Variants in MYO5B observed in about 807,000 individuals in gnomAD.
MYO5B encodes the protein unconventional myosin-Vb.
In MYO5B, 143 loss-of-function variants were observed where a neutral mutation model predicts 229.3. That is an observed-to-expected ratio of 0.62 (90% CI 0.54 to 0.72). The LOEUF (loss-of-function observed/expected upper bound fraction) is 0.72. MYO5B is among the 30% of genes least tolerant of loss of function. MYO5B has a pLI of 0.00. For synonymous variants in MYO5B, 918 were observed against 885.2 expected (o/e 1.04, Z -0.66); for missense variants, 2,321 against 2,331.0 (o/e 1.00, Z 0.09).
intron 39 of MYO5B, among the ~76,000 whole-genome samples, chr18:49,832,816 A>G (rs1393635861): frequency 6.6e-6 from 1 of 152,206 alleles, no homozygotes; most frequent in Non-Finnish European, 1.5e-5. Flanking sequence ...AAAGGTATTT[A>G]GGGAGGAATA....
chr18:49,904,779 G>T lies in MYO5B; in HGVS notation c.2464C>A (p.His822Asn). 1 of 1,613,998 alleles carries T rather than the reference G, an allele frequency of 6.2e-7. No individual in the cohort carries two copies. Among genetic ancestry groups the T allele is most frequent in the Non-Finnish European group, 8.5e-7 (1 of 1,180,042 alleles). Residue 822 changes from histidine (H) to asparagine (N), a missense_variant, in exon 20 of 40, where the codon CAT becomes AAT. His to Asn is a moderately conservative substitution (Grantham distance 68). Coordinates refer to ENST00000285039, the MANE Select transcript of MYO5B (RefSeq NM_001080467.3). ...RIRAAVVLQKHYRMQRARQAY... is the reference protein window; with the variant it reads ...RIRAAVVLQKNYRMQRARQAY... ...TGGCGGGCCCTCTGCATGCGGTAAT[G>T]TTTCTGGAGCACCACAGCCGCTCTG... is the stretch of plus-strand genomic sequence containing the variant.
chr18:50,042,116 T>C (rs1316125873), intron 2 of MYO5B, among the ~76,000 whole-genome samples: 1 of 152,290 alleles, frequency 6.6e-6, no homozygotes, highest in South Asian at 2.1e-4. Flanking sequence ...TGGGGACAGA[T>C]TGGTTTATCT....
intron 18 of MYO5B, among the ~76,000 whole-genome samples, chr18:49,911,838 T>A (rs1268603703): frequency 6.6e-6 from 1 of 152,138 alleles, no homozygotes; most frequent in African/African-American, 2.4e-5. Flanking sequence ...AGAATTCCAT[T>A]TTCTATGCCT....
At chr18:50,109,955 C>T (rs2031836036) in intron 1 of MYO5B, among the ~76,000 whole-genome samples, 1 of 152,148 alleles carries the variant, frequency 6.6e-6, no homozygotes, top group Non-Finnish European at 1.5e-5. Context: ...CAAACCCTTG[C>T]AGCAGCCTCA....
chr18:49,824,962 G>A lies in MYO5B; in HGVS notation c.*1509C>T, dbSNP rs1205786294. On this transcript the variant is annotated 3_prime_UTR_variant, in exon 40 of 40. Coordinates refer to ENST00000285039, the MANE Select transcript of MYO5B (RefSeq NM_001080467.3). ...GAGGAAGCTGTGCTCTAAGGGCACA[G>A]TGCAGAAGGTAGCGTGGAGTGTGCT... 1 of 152,266 alleles carries A rather than the reference G, an allele frequency of 6.6e-6. No homozygotes were observed. Among genetic ancestry groups the A allele is most frequent in the African/African-American group, 2.4e-5 (1 of 41,454 alleles). The allele number at this position is 152,266 out of a possible 1,614,324, so 9.4% of individuals were successfully genotyped here. A position where few individuals can be genotyped will look rare whatever the true frequency, so the allele number is the denominator to read the frequency against.
rs142611521 is a variant in MYO5B at position 50,154,569 on chromosome 18, G to A, written c.27+40198C>T. ...TGTAATATCCTGCTTCTATTCCACA[G>A]AAGCACATTCGAGTTCACATTTGTT... is the stretch of plus-strand genomic sequence containing the variant. On this transcript the variant is annotated intron_variant, in intron 1 of 39. Transcript: ENST00000285039. Among the ~76,000 whole-genome samples, 29 of 152,332 alleles carry A rather than the reference G, an allele frequency of 1.9e-4. No individual in the cohort carries two copies. In the East Asian group the frequency reaches 5.4e-3, roughly 28 times the overall value.
At chr18:50,192,860 C>A (rs1395136208) in intron 1 of MYO5B, among the ~76,000 whole-genome samples, 2 of 152,194 alleles carry the variant, frequency 1.3e-5, no homozygotes, top group African/African-American at 4.8e-5. Context: ...GTGTCTTGAA[C>A]TTGATGGAAA....
chr18:49,928,289 T>A (rs182168979), intron 17 of MYO5B, among the ~76,000 whole-genome samples: 1 of 152,338 alleles, frequency 6.6e-6, no homozygotes. Context: ...CTGGTGGGAA[T>A]GTAAACTAGA....
intron 14 of MYO5B, among the ~76,000 whole-genome samples, chr18:49,941,420 G>A (rs1367240935): frequency 6.6e-6 from 1 of 152,178 alleles, no homozygotes; most frequent in East Asian, 1.9e-4. Context: ...TCTGAGCAAA[G>A]CACACCTCAA....
At chr18:49,900,832 C>G (rs1277852141) in intron 21 of MYO5B, among the ~76,000 whole-genome samples, 1 of 152,178 alleles carries the variant, frequency 6.6e-6, no homozygotes, top group Non-Finnish European at 1.5e-5. Context: ...CTCCATTCAA[C>G]TCTGGGAGCC....
rs1295478250 is a variant in MYO5B at position 50,001,558 on chromosome 18, C to G, written c.456-147G>C. 4.0e-6 allele frequency: 4 copies of G among 1,010,478 alleles called. No individual in the cohort carries two copies. The African/African-American group carries it at 6.3e-5, about 16-fold the overall frequency. The allele number at this position is 1,010,478 out of a possible 1,614,324, so 62.6% of individuals were successfully genotyped here. A position where few individuals can be genotyped will look rare whatever the true frequency, so the allele number is the denominator to read the frequency against. ...CGCAGAGGAACAGTGTAAAAATAGTCTGCCCTCCCCGACACCTGCAAACAT... is the reference window on the plus strand; with the variant it reads ...CGCAGAGGAACAGTGTAAAAATAGTGTGCCCTCCCCGACACCTGCAAACAT... On this transcript the variant is annotated intron_variant, in intron 4 of 39. Coordinates refer to ENST00000285039, the MANE Select transcript of MYO5B (RefSeq NM_001080467.3).
In MYO5B at chr18:49,943,388, T is replaced by C. The variant is rs1483453157; in HGVS notation, c.1753-5991A>G. On this transcript the variant is annotated intron_variant, in intron 14 of 39. Coordinates refer to ENST00000285039, the MANE Select transcript of MYO5B (RefSeq NM_001080467.3). ...AAAAAAATTTTCCTCCCTCTCTTCA[T>C]GCATGGCATTTCAAAGTCATAAATA... Among the ~76,000 whole-genome samples the C allele has an allele frequency of 3.9e-5, 6 of 152,322 alleles. No individual in the cohort carries two copies. The East Asian group carries it at 1.2e-3, about 29-fold the overall frequency.
At chr18:50,000,036 G>A (rs2026028891) in intron 5 of MYO5B, among the ~76,000 whole-genome samples, 1 of 152,208 alleles carries the variant, frequency 6.6e-6, no homozygotes, top group African/African-American at 2.4e-5. Flanking sequence ...CTGTTACTTA[G>A]CAGAGAATTA....
chr18:49,965,458 C>CACAT (rs2025613426), intron 10 of MYO5B, among the ~76,000 whole-genome samples: 1 of 142,830 alleles, frequency 7.0e-6, no homozygotes, highest in Non-Finnish European at 1.5e-5. Flanking sequence ...CTTCTTTTCA[C>CACAT]ACACACACAC....
At chr18:50,005,167 T>C (rs138156570) in intron 4 of MYO5B, among the ~76,000 whole-genome samples, 4 of 152,354 alleles carry the variant, frequency 2.6e-5, no homozygotes, top group Non-Finnish European at 4.4e-5. Flanking sequence ...TAACTACTCA[T>C]TGCTTATCAA....
At chr18:49,927,359 T>TAAA (rs34171321) in intron 17 of MYO5B, among the ~76,000 whole-genome samples, 23 of 145,222 alleles carry the variant, frequency 1.6e-4, no homozygotes, top group East Asian at 4.0e-4. Context: ...TTCACAGAAC[T>TAAA]AAAAAAAAAA....
rs1004544335 is a variant in MYO5B at position 50,112,601 on chromosome 18, C to A, written c.28-57223G>T. Reference sequence around the variant, plus strand: ...AGACTGGTTATGCCCCACGAAAAACCTTTTTCTGTCTGCTCCAAGGCAACT... The same window carrying A: ...AGACTGGTTATGCCCCACGAAAAACATTTTTCTGTCTGCTCCAAGGCAACT... On this transcript the variant is annotated intron_variant, in intron 1 of 39. Transcript: ENST00000285039. Among the ~76,000 whole-genome samples the A allele has an allele frequency of 2.0e-5, 3 of 152,184 alleles. No homozygotes were observed. The East Asian group carries it at 5.8e-4, about 29-fold the overall frequency.
Position 50,194,853 on chromosome 18 carries a change from C to A in MYO5B, c.-60G>T. The A allele has an allele frequency of 8.0e-7, 1 of 1,253,182 alleles. No individual in the cohort carries two copies. Among genetic ancestry groups the A allele is most frequent in the South Asian group, 3.2e-5 (1 of 30,852 alleles). 77.6% of individuals were successfully genotyped at this position (1,253,182 alleles called of 1,614,324 possible). On this transcript the variant is annotated 5_prime_UTR_variant, in exon 1 of 40. Coordinates refer to ENST00000285039, the MANE Select transcript of MYO5B (RefSeq NM_001080467.3). ...TGGCTGCCCCGCGGCTCTCAGTCCG[C>A]GGCTGGCCCGCCTGGCGCCATGTTC... is the stretch of plus-strand genomic sequence containing the variant.
chr18:49,941,408 T>C (rs1471413763), intron 14 of MYO5B, among the ~76,000 whole-genome samples: 1 of 152,168 alleles, frequency 6.6e-6, no homozygotes, highest in Non-Finnish European at 1.5e-5. Flanking sequence ...TGCTACCATA[T>C]TTCTGAGCAA....
Sources: gnomAD v4.1 joint callset for allele counts (sites outside exome capture counted in the v4.1 genomes callset) on GRCh38, gnomAD v4.1.1 for gene constraint, MANE v1.5 for transcripts, NCBI Gene and HGNC (gene_info 2026-07-23, HGNC 2026-07-21) for gene names.